RSRC2: variants seen among roughly 807,000 people sequenced by gnomAD.
The protein encoded by RSRC2 is arginine and serine rich coiled-coil 2, also known as arginine/serine-rich coiled-coil protein 2.
In RSRC2, 5 loss-of-function variants were observed where a neutral mutation model predicts 61.3. The observed-to-expected ratio is 0.08, with a 90% CI of 0.04 to 0.17. The LOEUF is 0.17. RSRC2 is among the 10% of genes least tolerant of loss of function. The pLI is 1.00. For synonymous variants in RSRC2, 202 were observed against 166.5 expected, an observed-to-expected ratio of 1.21 and a Z score of -1.64; for missense variants, 381 against 518.8, an observed-to-expected ratio of 0.73 and a Z score of 2.58.
intron 3 of RSRC2, 134 bp downstream of exon 3, chr12:122,521,251 T>G: frequency 1.8e-6 from 1 of 558,958 alleles, no homozygotes; most frequent in East Asian, 2.9e-5. Flanking sequence ...ATCATGCTTA[T>G]TTTATAACCC....
At chr12:122,507,551 T>C (rs565820924) in intron 8 of RSRC2, among the ~76,000 whole-genome samples, 3 of 151,852 alleles carry the variant, frequency 2.0e-5, no homozygotes, top group East Asian at 3.9e-4. Context: ...CTAAACCAAG[T>C]AGCCTCTTTT....
intron 6 of RSRC2, 132 bp from the exon 7 acceptor site, chr12:122,511,320 T>C: frequency 1.8e-6 from 1 of 560,168 alleles, no homozygotes; most frequent in Non-Finnish European, 3.1e-6. Flanking sequence ...CCTCCACCGA[T>C]AGCCGTATGT....
rs1169838098 is a variant in RSRC2 at position 122,525,801 on chromosome 12, G to GTTT, written c.6+1044_6+1046dup. 4.0e-3 allele frequency among the ~76,000 whole-genome samples: 86 copies of GTTT among 21,502 alleles called. 24 individuals are homozygous for GTTT. Among genetic ancestry groups the GTTT allele is most frequent in the African/African-American group, 0.021 (57 of 2,686 alleles). The allele number at this position is 21,502 out of a possible 152,430, so 14.1% of individuals were successfully genotyped here. A position where few individuals can be genotyped will look rare whatever the true frequency, so the allele number is the denominator to read the frequency against. Reference sequence around the variant, plus strand: ...GTAGCTCCTCTGGGGTCAACGAAGAGTTTTTTTTTTTTTTTTTTTTTTTTT... The same window carrying GTTT: ...GTAGCTCCTCTGGGGTCAACGAAGAGTTTTTTTTTTTTTTTTTTTTTTTTTTTT... On this transcript the variant is annotated intron_variant, in intron 1 of 9. Coordinates refer to ENST00000331738, the MANE Select transcript of RSRC2 (RefSeq NM_023012.6).
At chr12:122,512,351 G>A (rs1958586228) in intron 6 of RSRC2, among the ~76,000 whole-genome samples, 1 of 152,140 alleles carries the variant, frequency 6.6e-6, no homozygotes, top group African/African-American at 2.4e-5. Flanking sequence ...GGTATAAAGG[G>A]GACAGGACTG....
At chr12:122,519,677 T>C (rs1239396892) in intron 3 of RSRC2, 1 of 152,462 alleles carries the variant, frequency 6.6e-6, no homozygotes, top group East Asian at 1.9e-4. Context: ...AGGGTAGAAA[T>C]GGCAACTGTA....
Position 122,508,457 on chromosome 12 carries a change from G to A in RSRC2, c.806-10C>T, listed in dbSNP as rs1305178737. 1.2e-6 allele frequency: 2 copies of A among 1,601,206 alleles called. No homozygotes were observed. Among genetic ancestry groups the A allele is most frequent in the Non-Finnish European group, 8.5e-7 (1 of 1,170,794 alleles). On this transcript the variant is annotated splice_polypyrimidine_tract_variant and intron_variant, in intron 7 of 9. Transcript: ENST00000331738. ...CCTCCAGTAGCTGCAGCTGCTTGAA[G>A]AGAATACAAAAATGGATTTTAAAAC...
At chr12:122,505,923 C>T (rs764117327) in intron 9 of RSRC2, among the ~76,000 whole-genome samples, 2 of 152,026 alleles carry the variant, frequency 1.3e-5, no homozygotes, top group Non-Finnish European at 2.9e-5. Flanking sequence ...GGATTAGAGG[C>T]ACATGCCACC....
chr12:122,504,296 C>T lies in RSRC2; in HGVS notation c.*1231G>A, dbSNP rs12818552. On this transcript the variant is annotated 3_prime_UTR_variant, in exon 10 of 10. Transcript: ENST00000331738. ...AACTTCAAGTTTTGCAGGCCCCCCC[C>T]ACCCCTTGGCTCCAGATTTATGTTC... The T allele has an allele frequency of 6.6e-6, 1 of 152,028 alleles. No individual in the cohort carries two copies. Among genetic ancestry groups the T allele is most frequent in the East Asian group, 1.9e-4 (1 of 5,178 alleles). The allele number at this position is 152,028 out of a possible 1,614,324, so 9.4% of individuals were successfully genotyped here.
At chr12:122,521,459 A>T (rs1959208346) in intron 2 of RSRC2, 31 bp from the exon 3 acceptor site, 1 of 1,589,018 alleles carries the variant, frequency 6.3e-7, no homozygotes, top group African/African-American at 1.3e-5. Flanking sequence ...TAATCACCAT[A>T]AACAAAGTTG....
At chr12:122,510,622 C>T (rs1295768113) in intron 7 of RSRC2, among the ~76,000 whole-genome samples, 1 of 152,220 alleles carries the variant, frequency 6.6e-6, no homozygotes, top group Non-Finnish European at 1.5e-5. Context: ...TGGACCACAT[C>T]AGAAACAAGC....
intron 2 of RSRC2, 71 bp downstream of exon 2, chr12:122,522,072 T>C (rs1959280171): frequency 6.9e-7 from 1 of 1,440,706 alleles, no homozygotes; most frequent in Admixed American, 2.1e-5. Flanking sequence ...AATGTATGTG[T>C]CTTCTTATAC....
At chr12:122,523,922 T>C (rs1959643149) in intron 1 of RSRC2, among the ~76,000 whole-genome samples, 2 of 152,174 alleles carry the variant, frequency 1.3e-5, no homozygotes, top group South Asian at 2.1e-4. Context: ...AATTATGAGA[T>C]GAAAGACATA....
intron 1 of RSRC2, 70 bp downstream of exon 1, chr12:122,526,778 G>A (rs1272926128): frequency 1.8e-5 from 28 of 1,567,632 alleles, no homozygotes; most frequent in Non-Finnish European, 2.3e-5. Context: ...AAGGTTCTGG[G>A]AGCCGTTCAC....
At chr12:122,507,428 T>C (rs1262820220) in intron 8 of RSRC2, among the ~76,000 whole-genome samples, 1 of 152,068 alleles carries the variant, frequency 6.6e-6, no homozygotes, top group Admixed American at 6.6e-5. Context: ...TTTCCTGTCA[T>C]AGACCTTTTT....
Position 122,515,242 on chromosome 12 carries a change from A to G in RSRC2, c.603-15T>C, listed in dbSNP as rs552869654. ...TCTTTCTATCTCTGTAGTAAATCGTATTTCATATGTCAAATTATGGCCAAG... is the reference window on the plus strand; with the variant it reads ...TCTTTCTATCTCTGTAGTAAATCGTGTTTCATATGTCAAATTATGGCCAAG... On this transcript the variant is annotated splice_polypyrimidine_tract_variant and intron_variant, in intron 5 of 9. Transcript: ENST00000331738. 6.2e-7 allele frequency: 1 copy of G among 1,609,368 alleles called. No homozygotes were observed. Among genetic ancestry groups the G allele is most frequent in the South Asian group, 1.1e-5 (1 of 89,796 alleles).
intron 3 of RSRC2, 101 bp from the exon 4 acceptor site, chr12:122,519,130 CT>C: frequency 1.2e-6 from 1 of 853,732 alleles, no homozygotes; most frequent in Non-Finnish European, 1.9e-6. Context: ...CATTAGTAAC[CT>C]TAGGAGTGTG....
chr12:122,505,027 C>T lies in RSRC2; in HGVS notation c.*500G>A, dbSNP rs550251854. On this transcript the variant is annotated 3_prime_UTR_variant, in exon 10 of 10. Coordinates refer to ENST00000331738, the MANE Select transcript of RSRC2 (RefSeq NM_023012.6). ...AAACTATAAAACAAATTCAAAGAAA[C>T]ATCCCAGGTAACTTAAATTAACACC... The T allele has an allele frequency of 6.5e-6, 1 of 152,762 alleles. No individual in the cohort carries two copies. The highest frequency in any genetic ancestry group is 1.9e-4 in the East Asian group (1 of 5,186). The allele number at this position is 152,762 out of a possible 1,614,324, so 9.5% of individuals were successfully genotyped here.
intron 9 of RSRC2, 65 bp downstream of exon 9, chr12:122,506,769 A>AG (rs1958140825): frequency 2.1e-6 from 2 of 938,722 alleles, no homozygotes; most frequent in Non-Finnish European, 3.4e-6. Flanking sequence ...TAAGAAAATG[A>AG]GGGAAGAACA....
At chr12:122,511,221 C>G in intron 6 of RSRC2, 33 bp from the exon 7 acceptor site, 8 of 1,493,372 alleles carry the variant, frequency 5.4e-6, no homozygotes, top group Non-Finnish European at 7.4e-6. Flanking sequence ...TTTAAAATAA[C>G]ACAATATAAA....
Sources: gnomAD v4.1 joint callset for allele counts (sites outside exome capture counted in the v4.1 genomes callset) on GRCh38, gnomAD v4.1.1 for gene constraint, MANE v1.5 for transcripts, NCBI Gene and HGNC (gene_info 2026-07-23, HGNC 2026-07-21) for gene names.